Variants in LONP2 observed in about 807,000 individuals in gnomAD.
The protein encoded by LONP2 is lon peptidase 2, peroxisomal.
In LONP2, 60 loss-of-function variants were observed where a neutral mutation model predicts 85.6. The ratio of observed to expected loss-of-function variants is 0.70; its 90% confidence interval spans 0.57 to 0.87. LONP2 has a LOEUF of 0.87. Among genes scored for constraint, LONP2 ranks in the 40% least tolerant of loss-of-function variants. The probability of loss-of-function intolerance (pLI) is 0.00; values close to 1 mark genes in which losing one functional copy is unlikely to be tolerated. For missense variants in LONP2, 860 were observed against 1,063.5 expected (o/e 0.81, Z 2.66); for synonymous variants, 395 against 389.7 (o/e 1.01, Z -0.16).
At chr16:48,267,836 G>A (rs1972023643) in intron 6 of LONP2, among the ~76,000 whole-genome samples, 1 of 152,016 alleles carries the variant, frequency 6.6e-6, no homozygotes, top group African/African-American at 2.4e-5. Context: ...GGCTGGTCTC[G>A]AACTCCTGAC....
downstream of LONP2, chr16:48,361,430 TTC>T (rs1960588897): frequency 1.4e-6 from 1 of 697,152 alleles, no homozygotes; most frequent in Non-Finnish European, 2.4e-6. Context: ...ATGCAACTGT[TTC>T]CTGTATTTAA....
chr16:48,302,918 A>G (rs1048174236), intron 10 of LONP2, among the ~76,000 whole-genome samples: 2 of 152,238 alleles, frequency 1.3e-5, no homozygotes, highest in African/African-American at 2.4e-5. Context: ...TTGAACTAGA[A>G]CTAGGGTTCA....
At position 48,351,995 on chromosome 16, in the gene LONP2, A is replaced by C; in HGVS notation, c.*193A>C. On this transcript the variant is annotated 3_prime_UTR_variant, in exon 15 of 15. Coordinates refer to ENST00000285737, the MANE Select transcript of LONP2 (RefSeq NM_031490.5). ...AGATGTTGATTTAGTAAACTGATAAAAATCGAATTCTTGTCTTTTTAGTGG... is the reference window on the plus strand; with the variant it reads ...AGATGTTGATTTAGTAAACTGATAACAATCGAATTCTTGTCTTTTTAGTGG... 1.7e-6 allele frequency: 1 copy of C among 593,340 alleles called. No individual in the cohort carries two copies. The highest frequency in any genetic ancestry group is 3.0e-5 in the Admixed American group (1 of 33,506). 36.8% of individuals were successfully genotyped at this position (593,340 alleles called of 1,614,324 possible).
intron 7 of LONP2, among the ~76,000 whole-genome samples, chr16:48,277,051 C>G: frequency 6.6e-6 from 1 of 152,150 alleles, no homozygotes; most frequent in East Asian, 1.9e-4. Flanking sequence ...AGAACCGTAA[C>G]TGGTGACTTA....
At chr16:48,249,803 C>T (rs1296252129) in intron 1 of LONP2, among the ~76,000 whole-genome samples, 1 of 152,212 alleles carries the variant, frequency 6.6e-6, no homozygotes, top group Non-Finnish European at 1.5e-5. Flanking sequence ...ATGTATACAT[C>T]TGTACCTTTT....
rs1960196423 is a variant in LONP2 at position 48,352,940 on chromosome 16, GCTC to G, written c.*1141_*1143del. The G allele has an allele frequency of 6.6e-6, 1 of 152,210 alleles. No homozygotes were observed. Among genetic ancestry groups the G allele is most frequent in the African/African-American group, 2.4e-5 (1 of 41,446 alleles). 9.4% of individuals were successfully genotyped at this position (152,210 alleles called of 1,614,324 possible). On this transcript the variant is annotated 3_prime_UTR_variant, in exon 15 of 15. Coordinates refer to ENST00000285737, the MANE Select transcript of LONP2 (RefSeq NM_031490.5). ...ATCTGGTAGATGTCCATGCCCATGT[GCTC>G]CTGCTGGGACTCAATTCAGGCTATG...
chr16:48,329,971 G>C (rs115671107), intron 11 of LONP2, among the ~76,000 whole-genome samples: 2,231 of 152,156 alleles, frequency 0.015, 63 homozygotes, highest in African/African-American at 0.052. Flanking sequence ...ATAGATTGCT[G>C]CAAAAAAGAA....
downstream of LONP2, chr16:48,362,065 C>G (rs1455617361): frequency 6.2e-7 from 1 of 1,614,190 alleles, no homozygotes; most frequent in South Asian, 1.1e-5. This position sits in a 1 kb window ranked among gnomAD's most constrained non-coding sequence, Gnocchi z 4.2. Flanking sequence ...GGCCTAAACT[C>G]ACAGAGCTCT....
At chr16:48,297,331 G>A (rs967465670) in intron 9 of LONP2, among the ~76,000 whole-genome samples, 1 of 151,238 alleles carries the variant, frequency 6.6e-6, no homozygotes, top group Non-Finnish European at 1.5e-5. Flanking sequence ...CTTTTTTTGA[G>A]ATGGAGTCTC....
At chr16:48,327,680 A>G in intron 11 of LONP2, among the ~76,000 whole-genome samples, 1 of 151,832 alleles carries the variant, frequency 6.6e-6, no homozygotes, top group African/African-American at 2.4e-5. Context: ...CTGGTCTCGA[A>G]CTCCTCACCT....
chr16:48,245,864 A>G (rs190712154), intron 1 of LONP2, among the ~76,000 whole-genome samples: 39 of 152,076 alleles, frequency 2.6e-4, no homozygotes, highest in African/African-American at 8.7e-4. Flanking sequence ...CTCAACAAGT[A>G]TCTTCAAACT....
chr16:48,307,783 A>C (rs1972941967), intron 11 of LONP2, among the ~76,000 whole-genome samples: 1 of 152,244 alleles, frequency 6.6e-6, no homozygotes, highest in African/African-American at 2.4e-5. Flanking sequence ...GCTGTGCTAC[A>C]AAGGAATACT....
At chr16:48,314,507 C>T (rs1973101057) in intron 11 of LONP2, among the ~76,000 whole-genome samples, 1 of 152,008 alleles carries the variant, frequency 6.6e-6, no homozygotes, top group South Asian at 2.1e-4. Context: ...AGGAAGGGGT[C>T]CAGTTTCTGT....
chr16:48,338,572 G>A (rs760087220), intron 12 of LONP2, among the ~76,000 whole-genome samples: 21 of 152,124 alleles, frequency 1.4e-4, no homozygotes, highest in Non-Finnish European at 2.2e-4. Flanking sequence ...TGAGGAGAGA[G>A]TGTTGCAAAG....
chr16:48,301,323 A>G (rs879835938), intron 10 of LONP2, among the ~76,000 whole-genome samples: 6 of 152,166 alleles, frequency 3.9e-5, no homozygotes, highest in Admixed American at 2.0e-4. Context: ...TCTAACTGTA[A>G]CAAAGATATT....
intron 11 of LONP2, 130 bp downstream of exon 11, chr16:48,303,435 C>A: frequency 1.0e-6 from 1 of 959,556 alleles, no homozygotes; most frequent in Non-Finnish European, 1.6e-6. Flanking sequence ...CTGTTAAATG[C>A]ATCCAGTAAG....
chr16:48,265,810 G>T (rs894965610), intron 6 of LONP2, among the ~76,000 whole-genome samples: 1 of 151,990 alleles, frequency 6.6e-6, no homozygotes, highest in Admixed American at 6.6e-5. Context: ...TGCTTTGAGT[G>T]GTATAGACAT....
intron 8 of LONP2, among the ~76,000 whole-genome samples, chr16:48,287,683 C>A (rs1972475782): frequency 6.6e-6 from 1 of 152,138 alleles, no homozygotes; most frequent in African/African-American, 2.4e-5. Flanking sequence ...GTTGATTTTG[C>A]TACCATGAAC....
intron 8 of LONP2, among the ~76,000 whole-genome samples, chr16:48,278,187 C>T (rs1972254633): frequency 6.6e-6 from 1 of 152,078 alleles, no homozygotes. Context: ...AGAATATTTT[C>T]AGAGTTAGCT....
Sources: allele counts gnomAD v4.1 joint callset (sites outside exome capture counted in the v4.1 genomes callset), GRCh38; gene constraint gnomAD v4.1.1; non-coding constraint Gnocchi (gnomAD v3.1); transcripts MANE v1.5; gene names NCBI Gene and HGNC (gene_info 2026-07-23, HGNC 2026-07-21).